GMCL1: variants seen among roughly 807,000 people sequenced by gnomAD.
GMCL1 encodes germ cell-less protein-like 1.
Under a neutral mutation model 75.5 loss-of-function variants are expected in GMCL1, and 54 were observed. That is an observed-to-expected ratio of 0.71 (90% CI 0.57 to 0.90). The LOEUF (loss-of-function observed/expected upper bound fraction) is 0.90, where lower values mean the gene tolerates loss of function less well. Among genes scored for constraint, GMCL1 ranks in the 40% least tolerant of loss-of-function variants. GMCL1 has a pLI of 0.00. For missense variants in GMCL1, 537 were observed against 622.7 expected (o/e 0.86, Z 1.47); for synonymous variants, 210 against 209.6 (o/e 1.00, Z -0.02).
At chr2:69,841,083 T>C (rs1398246176) in intron 4 of GMCL1, 44 bp downstream of exon 4, 1 of 1,425,552 alleles carries the variant, frequency 7.0e-7, no homozygotes, top group African/African-American at 1.4e-5. Flanking sequence ...AATAATAATC[T>C]TTGTCTCAAA....
chr2:69,860,140 T>C (rs1459775637), intron 9 of GMCL1, among the ~76,000 whole-genome samples: 1 of 152,116 alleles, frequency 6.6e-6, no homozygotes, highest in Non-Finnish European at 1.5e-5. Flanking sequence ...TAGCTGGGAC[T>C]ACAGGTGCAC....
intron 1 of GMCL1, among the ~76,000 whole-genome samples, chr2:69,835,053 C>G (rs1674779709): frequency 6.6e-6 from 1 of 152,032 alleles, no homozygotes; most frequent in African/African-American, 2.4e-5. Flanking sequence ...AACCTCTGCT[C>G]TACAAAGCAT....
intron 3 of GMCL1, among the ~76,000 whole-genome samples, chr2:69,839,828 G>A (rs565912843): frequency 5.7e-5 from 8 of 140,036 alleles, no homozygotes; most frequent in Non-Finnish European, 1.2e-4. Flanking sequence ...GGAAGGAAAA[G>A]TATGACCATT....
At chr2:69,850,100 A>T (rs946227258) in intron 8 of GMCL1, among the ~76,000 whole-genome samples, 1 of 152,184 alleles carries the variant, frequency 6.6e-6, no homozygotes, top group Non-Finnish European at 1.5e-5. Flanking sequence ...CTAACAAGCT[A>T]TACCCCGTCA....
chr2:69,834,473 T>C (rs544361178), intron 1 of GMCL1, among the ~76,000 whole-genome samples: 134 of 152,336 alleles, frequency 8.8e-4, no homozygotes, highest in African/African-American at 3.1e-3. Flanking sequence ...AATATAAATT[T>C]AGTCTCTTTT....
intron 10 of GMCL1, among the ~76,000 whole-genome samples, chr2:69,861,943 G>A (rs945965216): frequency 6.6e-5 from 10 of 151,970 alleles, no homozygotes; most frequent in African/African-American, 1.7e-4. Context: ...TGGAGGTTGC[G>A]GTAAGCCAAA....
chr2:69,868,221 G>A (rs978175053), intron 11 of GMCL1, among the ~76,000 whole-genome samples: 3 of 149,002 alleles, frequency 2.0e-5, no homozygotes, highest in South Asian at 2.2e-4. Context: ...GCAATATAAC[G>A]AGACCCTGTC....
chr2:69,874,255 C>G (rs1387323590), intron 13 of GMCL1, among the ~76,000 whole-genome samples: 2 of 152,076 alleles, frequency 1.3e-5, no homozygotes, highest in African/African-American at 4.8e-5. Context: ...TTTATACTTC[C>G]CCCTGGCAGC....
In GMCL1 at chr2:69,838,336, CAAAAAAAAAAAAAAAAA is replaced by C. The variant is rs71397366; in HGVS notation, c.384+678_384+694del. Among the ~76,000 whole-genome samples the C allele has an allele frequency of 3.2e-3, 100 of 31,528 alleles. 1 individual carries two copies. Among genetic ancestry groups the C allele is most frequent in the African/African-American group, 9.0e-3 (85 of 9,438 alleles). 20.7% of individuals were successfully genotyped at this position (31,528 alleles called of 152,430 possible). On this transcript the variant is annotated intron_variant, in intron 2 of 13. Transcript: ENST00000282570. ...TGGGCAACAGAGCGAGACTCTGTCT[CAAAAAAAAAAAAAAAAA>C]AAAAAAAAAAATCGGAGCTTTCAAA... is the stretch of plus-strand genomic sequence containing the variant.
rs151089683 is a variant in GMCL1, at chr2:69,873,675, T to A, written c.1452+1843T>A. 3.7e-4 allele frequency: 62 copies of A among 165,370 alleles called. 1 individual carries two copies. Among genetic ancestry groups the A allele is most frequent in the South Asian group, 1.2e-3 (6 of 5,126 alleles). The allele number at this position is 165,370 out of a possible 1,614,324, so 10.2% of individuals were successfully genotyped here. A position where few individuals can be genotyped will look rare whatever the true frequency, so the allele number is the denominator to read the frequency against. On this transcript the variant is annotated intron_variant, in intron 13 of 13. Coordinates refer to ENST00000282570, the MANE Select transcript of GMCL1 (RefSeq NM_178439.5). The stretch of plus-strand genomic sequence containing the variant: ...ATCACGGTGTTGATCTTGGCCACAT[T>A]GGTGTCATAGAGCTCCTCCACAGCC...
chr2:69,843,090 G>T, intron 4 of GMCL1, 59 bp from the exon 5 acceptor site: 6 of 720,936 alleles, frequency 8.3e-6, no homozygotes, highest in Non-Finnish European at 9.1e-6. Flanking sequence ...TGTAAAAGCT[G>T]TCAGAGCTAA....
chr2:69,864,754 T>G (rs1573367216), intron 10 of GMCL1, 146 bp from the exon 11 acceptor site: 5 of 584,590 alleles, frequency 8.6e-6, no homozygotes, highest in Non-Finnish European at 1.5e-5. Context: ...GGACTAAATT[T>G]AATCAACACT....
chr2:69,864,816 A>G, intron 10 of GMCL1, 84 bp from the exon 11 acceptor site: 1 of 862,858 alleles, frequency 1.2e-6, no homozygotes, highest in South Asian at 1.7e-5. Context: ...TGGTAGCAAG[A>G]TTTTCTGTTC....
In GMCL1 at chr2:69,840,971, C is replaced by T. The variant is rs961012636; in HGVS notation, c.511C>T (p.Arg171Ter). ...ALQVAFGSLY[R>*]DDVLIKPSRV... ...GCAGGTTGCATTTGGTTCACTGTAT[C>T]GAGATGATGTCTTGATAAAGCCCAG... Residue 171 changes from arginine (R) to a stop codon, truncating the protein, a stop_gained, in exon 4 of 14, where the codon CGA becomes TGA. Coordinates refer to ENST00000282570, the MANE Select transcript of GMCL1 (RefSeq NM_178439.5). LOFTEE classifies it high-confidence loss of function. 1.9e-6 allele frequency: 3 copies of T among 1,613,732 alleles called. No homozygotes were observed. The highest frequency in any genetic ancestry group is 1.3e-5 in the African/African-American group (1 of 74,918).
Position 69,879,088 on chromosome 2 carries a change from C to T in GMCL1, c.*84C>T, listed in dbSNP as rs1355668901. ...GCACTTTGAAAACTTTTTAGGCCAG[C>T]TTTAATTTAATGGCCCTACTGATAT... On this transcript the variant is annotated 3_prime_UTR_variant, in exon 14 of 14. Transcript: ENST00000282570. The T allele has an allele frequency of 3.7e-6, 3 of 812,876 alleles. No homozygotes were observed. The highest frequency in any genetic ancestry group is 6.2e-6 in the Non-Finnish European group (3 of 483,202). The allele number at this position is 812,876 out of a possible 1,614,324, so 50.4% of individuals were successfully genotyped here.
intron 9 of GMCL1, among the ~76,000 whole-genome samples, chr2:69,856,817 T>C (rs184199291): frequency 2.7e-4 from 41 of 152,182 alleles, no homozygotes; most frequent in Non-Finnish European, 4.0e-4. Flanking sequence ...TTTTCTCTTC[T>C]GACCCCTAAT....
At chr2:69,856,217 TTTGAAATTAG>T (rs1306329015) in intron 9 of GMCL1, among the ~76,000 whole-genome samples, 1 of 152,170 alleles carries the variant, frequency 6.6e-6, no homozygotes, top group East Asian at 1.9e-4. Flanking sequence ...GTATCTTAGA[TTTGAAATTAG>T]TTGAAATTAT....
intron 12 of GMCL1, 100 bp from the exon 13 acceptor site, chr2:69,871,644 TA>T: frequency 1.6e-6 from 1 of 633,708 alleles, no homozygotes; most frequent in Non-Finnish European, 2.6e-6. Flanking sequence ...TTTTATCAAA[TA>T]AAAAACAGAG....
chr2:69,847,561 G>A lies in GMCL1; in HGVS notation c.777G>A (p.Gln259=). The A allele has an allele frequency of 3.7e-6, 6 of 1,608,160 alleles. No homozygotes were observed. The highest frequency in any genetic ancestry group is 5.1e-6 in the Non-Finnish European group (6 of 1,174,990). ...TTTTCAGTATAAATGTCATGAAACAGCTCATTGGTTCATCTAACTTATTTG... is the reference window on the plus strand; with the variant it reads ...TTTTCAGTATAAATGTCATGAAACAACTCATTGGTTCATCTAACTTATTTG... ...FKELSINVMK[Q]LIGSSNLFVM... The change falls in exon 7 of 14, where the codon CAG becomes CAA. Residue 259 remains glutamine (Q), a synonymous_variant. Transcript: ENST00000282570.
Sources: gnomAD v4.1 joint callset for allele counts (sites outside exome capture counted in the v4.1 genomes callset) on GRCh38, gnomAD v4.1.1 for gene constraint, MANE v1.5 for transcripts, NCBI Gene and HGNC (gene_info 2026-07-23, HGNC 2026-07-21) for gene names.